The following PTPRG variants were observed in gnomAD, a reference collection of about 807,000 sequenced individuals.
The protein encoded by PTPRG is receptor-type tyrosine-protein phosphatase gamma.
In PTPRG, 102 loss-of-function variants were observed where a neutral mutation model predicts 165.3. That is an observed-to-expected ratio of 0.62 (90% confidence interval 0.53 to 0.73). PTPRG has a LOEUF of 0.73. PTPRG is among the 30% of genes least tolerant of loss of function. The pLI, the probability that PTPRG is intolerant of heterozygous loss-of-function variation, is 0.00. For missense variants in PTPRG, 1,866 were observed against 1,861.4 expected, an observed-to-expected ratio of 1.00 and a Z score of -0.05; for synonymous variants, 675 against 669.5, an observed-to-expected ratio of 1.01 and a Z score of -0.13.
At chr3:62,104,751 C>G (rs1431171653) in intron 5 of PTPRG, among the ~76,000 whole-genome samples, 1 of 152,208 alleles carries the variant, frequency 6.6e-6, no homozygotes, top group East Asian at 1.9e-4. Flanking sequence ...TTCCCATGTG[C>G]ATTACTACTA....
In PTPRG at chr3:61,868,065, T is replaced by A. The variant is rs73839761; in HGVS notation, c.190+119083T>A. ...AGTCTGATACCTGTAGTCCCCTATT[T>A]TACATAAGCCCCTCCCCACATTCTC... On this transcript the variant is annotated intron_variant, in intron 2 of 29. Coordinates refer to ENST00000474889, the MANE Select transcript of PTPRG (RefSeq NM_002841.4). Among the ~76,000 whole-genome samples the A allele has an allele frequency of 8.5e-3, 1,301 of 152,254 alleles. 21 individuals are homozygous for A. The highest frequency in any genetic ancestry group is 0.029 in the African/African-American group (1,214 of 41,544).
At chr3:61,768,797 G>C (rs541177122) in intron 2 of PTPRG, among the ~76,000 whole-genome samples, 1 of 152,008 alleles carries the variant, frequency 6.6e-6, no homozygotes, top group African/African-American at 2.4e-5. Flanking sequence ...AGGGAAGAGG[G>C]GTATGGGGGA....
At position 62,079,926 on chromosome 3, in the gene PTPRG, A is replaced by G. The variant is rs151043557; in HGVS notation, c.615+1668A>G. 7.7e-4 allele frequency among the ~76,000 whole-genome samples: 118 copies of G among 152,300 alleles called. 2 individuals carry two copies. In the East Asian group the frequency reaches 0.019, roughly 25 times the overall value. ...GGACACTTGGAAATTCCCAAATAGT[A>G]TGCATCTATAGCCCTCCATGTTTCT... On this transcript the variant is annotated intron_variant, in intron 5 of 29. Transcript: ENST00000474889.
At chr3:61,904,960 T>G (rs1023947506) in intron 2 of PTPRG, among the ~76,000 whole-genome samples, 3 of 152,026 alleles carry the variant, frequency 2.0e-5, no homozygotes, top group Non-Finnish European at 4.4e-5. Context: ...TAGAAAATTG[T>G]CCATTTGGTT....
At chr3:61,821,950 T>C (rs1235331471) in intron 2 of PTPRG, among the ~76,000 whole-genome samples, 1 of 152,234 alleles carries the variant, frequency 6.6e-6, no homozygotes, top group Non-Finnish European at 1.5e-5. Context: ...TGCAGAAGCA[T>C]AAGCTAGCAA....
intron 1 of PTPRG, among the ~76,000 whole-genome samples, chr3:61,575,129 T>A (rs1008400278): frequency 2.0e-5 from 3 of 152,152 alleles, no homozygotes; most frequent in Non-Finnish European, 4.4e-5. Context: ...TAGGATGTGG[T>A]TTTTAGAAGA....
chr3:61,956,606 G>C (rs185834113), intron 2 of PTPRG, among the ~76,000 whole-genome samples: 23 of 152,256 alleles, frequency 1.5e-4, no homozygotes, highest in Non-Finnish European at 3.1e-4. Flanking sequence ...ACCATATCTG[G>C]AGATTAAAAG....
chr3:62,226,436 A>G (rs1468753142), intron 13 of PTPRG, among the ~76,000 whole-genome samples: 2 of 152,252 alleles, frequency 1.3e-5, no homozygotes, highest in Non-Finnish European at 2.9e-5. Context: ...GTGTTCTGGA[A>G]GCTAACTAGT....
In PTPRG at chr3:62,047,695, A is replaced by G. The variant is rs1177350616; in HGVS notation, c.520-30468A>G. Among the ~76,000 whole-genome samples the G allele has an allele frequency of 2.0e-5, 3 of 152,246 alleles. No individual in the cohort carries two copies. The East Asian group carries it at 5.8e-4, about 29-fold the overall frequency. ...TATGTAATACGCATTTTCCCCTCTCATTTAATGCTGGATGTCAATGCTGAG... is the reference window on the plus strand; with the variant it reads ...TATGTAATACGCATTTTCCCCTCTCGTTTAATGCTGGATGTCAATGCTGAG... On this transcript the variant is annotated intron_variant, in intron 4 of 29. Coordinates refer to ENST00000474889, the MANE Select transcript of PTPRG (RefSeq NM_002841.4).
intron 28 of PTPRG, among the ~76,000 whole-genome samples, chr3:62,284,819 G>A (rs1003015822): frequency 2.6e-5 from 4 of 152,114 alleles, no homozygotes; most frequent in South Asian, 2.1e-4. Flanking sequence ...TGGTGCCATC[G>A]ATTCTTTCAG....
intron 2 of PTPRG, among the ~76,000 whole-genome samples, chr3:61,913,946 A>G (rs1470975748): frequency 6.6e-6 from 1 of 152,204 alleles, no homozygotes; most frequent in East Asian, 1.9e-4. Flanking sequence ...GCTCTCAGAG[A>G]TCGGTCCAAA....
At position 61,804,981 on chromosome 3, in the gene PTPRG, T is replaced by C. The variant is rs559728659; in HGVS notation, c.190+55999T>C. Among the ~76,000 whole-genome samples the C allele has an allele frequency of 3.3e-5, 5 of 152,286 alleles. No homozygotes were observed. The South Asian group carries it at 1.0e-3, about 32-fold the overall frequency. On this transcript the variant is annotated intron_variant, in intron 2 of 29. Transcript: ENST00000474889. ...TTTGACAGATCCTTTAAGATGAAGATCTGTTGATGTACTTCCTGTTTATGG... is the reference window on the plus strand; with the variant it reads ...TTTGACAGATCCTTTAAGATGAAGACCTGTTGATGTACTTCCTGTTTATGG...
intron 2 of PTPRG, among the ~76,000 whole-genome samples, chr3:61,822,376 C>T (rs951170555): frequency 6.6e-6 from 1 of 152,184 alleles, no homozygotes; most frequent in Non-Finnish European, 1.5e-5. Flanking sequence ...CCTCGTGTCC[C>T]TGACTTCAGA....
At chr3:61,852,237 T>G (rs983485764) in intron 2 of PTPRG, among the ~76,000 whole-genome samples, 3 of 152,222 alleles carry the variant, frequency 2.0e-5, no homozygotes, top group African/African-American at 7.2e-5. Flanking sequence ...AGGAGACATT[T>G]TTGTTTGTTT....
intron 16 of PTPRG, among the ~76,000 whole-genome samples, chr3:62,256,027 T>C (rs1428451961): frequency 6.6e-6 from 1 of 151,940 alleles, no homozygotes; most frequent in Non-Finnish European, 1.5e-5. Context: ...GCAGCAAGAG[T>C]TGTGTCGAGG....
At chr3:62,139,598 A>G (rs1703846400) in intron 6 of PTPRG, among the ~76,000 whole-genome samples, 1 of 152,204 alleles carries the variant, frequency 6.6e-6, no homozygotes, top group African/African-American at 2.4e-5. Context: ...TGAAAGGACA[A>G]ATAAGTTATC....
At chr3:61,587,859 G>T (rs1575520727) in intron 1 of PTPRG, among the ~76,000 whole-genome samples, 1 of 151,300 alleles carries the variant, frequency 6.6e-6, no homozygotes, top group Non-Finnish European at 1.5e-5. Context: ...TGGCCTTACT[G>T]TGTTGCCCAG....
At chr3:62,124,838 A>G (rs936271300) in intron 5 of PTPRG, among the ~76,000 whole-genome samples, 1 of 152,226 alleles carries the variant, frequency 6.6e-6, no homozygotes, top group Non-Finnish European at 1.5e-5. Context: ...GATTACAGGC[A>G]TGAGCCACTG....
Position 61,701,023 on chromosome 3 carries a change from C to T in PTPRG, c.86-47855C>T, listed in dbSNP as rs574097955. ...GAAGACAGTCTAGGAGGGAAAGACTCCTGGTTTTCTGGAAACCTATGCAGT... is the reference window on the plus strand; with the variant it reads ...GAAGACAGTCTAGGAGGGAAAGACTTCTGGTTTTCTGGAAACCTATGCAGT... On this transcript the variant is annotated intron_variant, in intron 1 of 29. Transcript: ENST00000474889. Among the ~76,000 whole-genome samples the T allele has an allele frequency of 2.5e-3, 382 of 152,212 alleles. 3 individuals are homozygous for T. The highest frequency in any genetic ancestry group is 4.1e-3 in the Non-Finnish European group (277 of 68,030).
Sources: gnomAD v4.1 joint callset for allele counts (sites outside exome capture counted in the v4.1 genomes callset) on GRCh38, gnomAD v4.1.1 for gene constraint, MANE v1.5 for transcripts, NCBI Gene and HGNC (gene_info 2026-07-23, HGNC 2026-07-21) for gene names.